The following CRADD variants were observed in gnomAD, a reference collection of about 807,000 sequenced individuals.
CRADD encodes death domain-containing protein CRADD.
Under a neutral mutation model 15.5 loss-of-function variants are expected in CRADD, and 9 were observed. The observed-to-expected ratio is 0.58, with a 90% CI of 0.35 to 1.01. CRADD has a LOEUF of 1.01. Ranked by LOEUF, CRADD falls within the 50% of genes least tolerant of loss-of-function variation. CRADD has a pLI of 0.02. For synonymous variants in CRADD, 118 were observed against 107.6 expected (o/e 1.10, Z -0.60); for missense variants, 227 against 250.3 (o/e 0.91, Z 0.63).
chr12:93,800,232 A>G (rs1957462401), intron 2 of CRADD, among the ~76,000 whole-genome samples: 1 of 152,124 alleles, frequency 6.6e-6, no homozygotes, highest in African/African-American at 2.4e-5. Flanking sequence ...TATAGGGTGG[A>G]TATAGTATAC....
chr12:93,756,655 G>A (rs535275303), intron 2 of CRADD, among the ~76,000 whole-genome samples: 1 of 152,338 alleles, frequency 6.6e-6, no homozygotes, highest in South Asian at 2.1e-4. Context: ...ATGAAGAAAG[G>A]CAAAGTCCTT....
intron 2 of CRADD, chr12:93,708,659 C>T (rs1479235823): frequency 6.6e-6 from 1 of 152,270 alleles, no homozygotes; most frequent in Non-Finnish European, 1.5e-5. Flanking sequence ...CTCCATGAAG[C>T]CAGGGCATTG....
rs149248076 is a variant in CRADD at position 93,820,450 on chromosome 12, G to A, written c.299-29520G>A. ...TGTAGTCCCAGCTACTTGGGAGGCT[G>A]AGGCAGGAGAATGGCGTGAACTCAG... On this transcript the variant is annotated intron_variant, in intron 2 of 2. Transcript: ENST00000332896. Among the ~76,000 whole-genome samples, 1,355 of 152,070 alleles carry A rather than the reference G, an allele frequency of 8.9e-3. 22 individuals are homozygous for A. Among genetic ancestry groups the A allele is most frequent in the African/African-American group, 0.029 (1,199 of 41,446 alleles).
chr12:93,704,653 G>C (rs549444991), intron 2 of CRADD, among the ~76,000 whole-genome samples: 28 of 152,298 alleles, frequency 1.8e-4, no homozygotes, highest in South Asian at 1.2e-3. Flanking sequence ...ATCAGACTTT[G>C]TTATTCCTCT....
At chr12:93,886,263 C>T (rs767956135) in intron 2 of CRADD, among the ~76,000 whole-genome samples, 1 of 150,496 alleles carries the variant, frequency 6.6e-6, no homozygotes, top group Non-Finnish European at 1.5e-5. Flanking sequence ...CTCCTGGGCT[C>T]GATCCTCCCA....
chr12:93,848,687 C>G (rs1184230774), intron 2 of CRADD: 1 of 152,386 alleles, frequency 6.6e-6, no homozygotes, highest in South Asian at 2.1e-4. Flanking sequence ...CCTCCTTCAT[C>G]ACCCAGCTCC....
chr12:93,787,712 A>G (rs1238290797), intron 2 of CRADD, among the ~76,000 whole-genome samples: 1 of 152,204 alleles, frequency 6.6e-6, no homozygotes, highest in Non-Finnish European at 1.5e-5. Flanking sequence ...TTATTCTGCC[A>G]TGATTTAGGG....
intron 2 of CRADD, among the ~76,000 whole-genome samples, chr12:93,857,272 G>A (rs562390340): frequency 3.3e-5 from 5 of 152,240 alleles, no homozygotes; most frequent in African/African-American, 7.2e-5. Context: ...AATATAAAAC[G>A]GATTGGATTT....
At chr12:93,740,135 C>T (rs1354582878) in intron 2 of CRADD, among the ~76,000 whole-genome samples, 1 of 152,000 alleles carries the variant, frequency 6.6e-6, no homozygotes, top group Non-Finnish European at 1.5e-5. Context: ...TTTACAACAG[C>T]ATGTATGGCA....
intron 2 of CRADD, among the ~76,000 whole-genome samples, chr12:93,688,292 C>G (rs1365401208): frequency 6.6e-6 from 1 of 152,116 alleles, no homozygotes; most frequent in African/African-American, 2.4e-5. Flanking sequence ...CACATGAGGT[C>G]AGGAGTTCAA....
At chr12:93,698,689 T>G (rs949089035) in intron 2 of CRADD, among the ~76,000 whole-genome samples, 15 of 152,338 alleles carry the variant, frequency 9.8e-5, no homozygotes, top group African/African-American at 3.6e-4. Context: ...CCCAAATTGT[T>G]GGACTCTGAG....
At chr12:93,694,155 A>G (rs1044138286) in intron 2 of CRADD, among the ~76,000 whole-genome samples, 2 of 152,132 alleles carry the variant, frequency 1.3e-5, no homozygotes, top group Non-Finnish European at 2.9e-5. Context: ...GGATGCAAGG[A>G]TGGTTTAACA....
intron 2 of CRADD, among the ~76,000 whole-genome samples, chr12:93,784,369 T>A (rs1223776114): frequency 6.6e-6 from 1 of 152,150 alleles, no homozygotes; most frequent in Non-Finnish European, 1.5e-5. Flanking sequence ...ATGTCCCATT[T>A]TATAGCTGAG....
At chr12:93,886,165 T>TTTG (rs1958536018) in intron 2 of CRADD, among the ~76,000 whole-genome samples, 2 of 146,726 alleles carry the variant, frequency 1.4e-5, no homozygotes, top group African/African-American at 5.1e-5. Flanking sequence ...GCTGATGCTT[T>TTTG]TTTTTTTTTT....
chr12:93,834,609 C>T lies in CRADD; in HGVS notation c.299-15361C>T, dbSNP rs1438616148. Among the ~76,000 whole-genome samples, 5 of 152,306 alleles carry T rather than the reference C, an allele frequency of 3.3e-5. No homozygotes were observed. In the South Asian group the frequency reaches 1.0e-3, roughly 32 times the overall value. On this transcript the variant is annotated intron_variant, in intron 2 of 2. Transcript: ENST00000332896. ...GTTCAAGTGATTCTCCTGCTTCAGC[C>T]TCCCAAGTAGCTGGGACTACAGGCC...
downstream of CRADD, among the ~76,000 whole-genome samples, chr12:93,852,518 G>C (rs377702160): frequency 2.0e-5 from 3 of 152,214 alleles, no homozygotes; most frequent in Admixed American, 1.3e-4. Context: ...ACCAAATGGC[G>C]GCAGCCCCTC....
chr12:93,856,393 A>C (rs367576520), intron 2 of CRADD, among the ~76,000 whole-genome samples: 1 of 152,364 alleles, frequency 6.6e-6, no homozygotes, highest in South Asian at 2.1e-4. Flanking sequence ...TACAAAGATG[A>C]ATAAGCCATA....
chr12:93,829,430 G>T (rs989802473), intron 2 of CRADD, among the ~76,000 whole-genome samples: 1 of 152,158 alleles, frequency 6.6e-6, no homozygotes, highest in African/African-American at 2.4e-5. Flanking sequence ...CTCATGCGTG[G>T]TAGGAGAGTG....
intron 2 of CRADD, chr12:93,714,956 A>G (rs1420024171): frequency 6.6e-6 from 1 of 152,220 alleles, no homozygotes; most frequent in Non-Finnish European, 1.5e-5. Flanking sequence ...TGTCAGCCAA[A>G]AAGAACAGGG....
Sources: allele counts gnomAD v4.1 joint callset (sites outside exome capture counted in the v4.1 genomes callset), GRCh38; gene constraint gnomAD v4.1.1; transcripts MANE v1.5; gene names NCBI Gene and HGNC (gene_info 2026-07-23, HGNC 2026-07-21).